PRKG1: variants seen among roughly 807,000 people sequenced by gnomAD.
PRKG1 encodes the protein protein kinase cGMP-dependent 1, also known as cGMP-dependent protein kinase 1.
PRKG1 carries 35 observed loss-of-function variants against 88.1 expected under a neutral mutation model. The ratio of observed to expected loss-of-function variants is 0.40; its 90% CI spans 0.30 to 0.53. The LOEUF is 0.53. PRKG1 is among the 20% of genes least tolerant of loss of function. The probability of loss-of-function intolerance (pLI) is 0.59; values close to 1 mark genes in which losing one functional copy is unlikely to be tolerated. For missense variants in PRKG1, 540 were observed against 839.8 expected (o/e 0.64, Z 4.41); for synonymous variants, 303 against 292.5 (o/e 1.04, Z -0.37).
intron 2 of PRKG1, among the ~76,000 whole-genome samples, chr10:51,275,605 T>C (rs1015803916): frequency 6.6e-6 from 1 of 152,214 alleles, no homozygotes; most frequent in Admixed American, 6.5e-5. Flanking sequence ...TATAATTTAA[T>C]TTTATAGGTT....
intron 3 of PRKG1, chr10:51,699,181 A>T: frequency 6.2e-7 from 1 of 1,614,158 alleles, no homozygotes; most frequent in Non-Finnish European, 8.5e-7. Flanking sequence ...ATTCAGGGGC[A>T]TCTTCTGGAT....
At chr10:52,021,044 C>T (rs1029995377) in intron 5 of PRKG1, among the ~76,000 whole-genome samples, 1 of 152,100 alleles carries the variant, frequency 6.6e-6, no homozygotes, top group African/African-American at 2.4e-5. Flanking sequence ...TCTCCTGCCC[C>T]ACTCATGCCT....
intron 3 of PRKG1, among the ~76,000 whole-genome samples, chr10:51,708,338 G>A (rs77425312): frequency 0.071 from 10,736 of 152,072 alleles, 402 homozygotes; most frequent in East Asian, 0.085. Flanking sequence ...CTCTTTAGAG[G>A]CTCTGTCTCT....
chr10:50,999,301 T>C (rs915068870), intron 1 of PRKG1, among the ~76,000 whole-genome samples: 4 of 152,244 alleles, frequency 2.6e-5, no homozygotes, highest in Non-Finnish European at 5.9e-5. Context: ...AGCACTTTCA[T>C]GTGCAAGATG....
chr10:52,020,037 ATATAT>A (rs1457065916), intron 5 of PRKG1, among the ~76,000 whole-genome samples: 2 of 152,100 alleles, frequency 1.3e-5, no homozygotes, highest in African/African-American at 4.8e-5. Flanking sequence ...ATATATTTTA[ATATAT>A]TTTATTTTAT....
intron 3 of PRKG1, among the ~76,000 whole-genome samples, chr10:51,757,321 C>T (rs1280534598): frequency 6.6e-6 from 1 of 152,034 alleles, no homozygotes; most frequent in Non-Finnish European, 1.5e-5. Flanking sequence ...CCAGGCTAGT[C>T]TCGAACTCCT....
chr10:51,082,065 ATCT>A (rs2131851163), intron 1 of PRKG1, among the ~76,000 whole-genome samples: 1 of 152,268 alleles, frequency 6.6e-6, no homozygotes, highest in African/African-American at 2.4e-5. Flanking sequence ...CCACCTGATC[ATCT>A]TTTTTTTAGG....
rs200120896 is a variant in PRKG1, at chr10:51,522,899, C to CCAA, written c.592+55063_592+55064insCAA. Among the ~76,000 whole-genome samples, 811 of 152,226 alleles carry CCAA rather than the reference C, an allele frequency of 5.3e-3. 7 individuals carry two copies. Among genetic ancestry groups the CCAA allele is most frequent in the African/African-American group, 0.018 (764 of 41,558 alleles). On this transcript the variant is annotated intron_variant, in intron 3 of 17. Transcript: ENST00000373980. ...AGGTGTGAAGGCTTTTAGATTATTA[C>CCAA]TGTATTTATTAAAAACCAAGGGAGA...
At chr10:51,665,208 T>G (rs1277041387) in intron 3 of PRKG1, among the ~76,000 whole-genome samples, 1 of 152,132 alleles carries the variant, frequency 6.6e-6, no homozygotes. Flanking sequence ...AAATCTAAAT[T>G]GCAGAGAAAA....
At chr10:51,821,666 T>C (rs1443953517) in intron 4 of PRKG1, among the ~76,000 whole-genome samples, 2 of 147,602 alleles carry the variant, frequency 1.4e-5, no homozygotes, top group Admixed American at 1.3e-4. Flanking sequence ...TTTTAGCACA[T>C]TGACCTGTAT....
chr10:51,883,996 C>T (rs1197105577), intron 4 of PRKG1, among the ~76,000 whole-genome samples: 21 of 143,452 alleles, frequency 1.5e-4, no homozygotes, highest in Admixed American at 4.3e-4. Context: ...AAATGAATTT[C>T]CTGAAACTCA....
intron 1 of PRKG1, among the ~76,000 whole-genome samples, chr10:51,023,917 G>A (rs908668777): frequency 6.6e-6 from 1 of 152,186 alleles, no homozygotes. Context: ...ATATTCCAAA[G>A]ATTTCCAGGC....
At chr10:51,422,359 G>C (rs375367639) in intron 2 of PRKG1, among the ~76,000 whole-genome samples, 1 of 152,236 alleles carries the variant, frequency 6.6e-6, no homozygotes, top group Non-Finnish European at 1.5e-5. Flanking sequence ...AGTCCTAGAC[G>C]TTTAGCATGA....
At chr10:52,186,525 T>C (rs1307625652) in intron 9 of PRKG1, among the ~76,000 whole-genome samples, 2 of 152,096 alleles carry the variant, frequency 1.3e-5, no homozygotes, top group East Asian at 3.9e-4. Flanking sequence ...GGAATCACAT[T>C]TCAACATGAT....
At chr10:52,117,085 G>A in intron 7 of PRKG1, among the ~76,000 whole-genome samples, 1 of 151,754 alleles carries the variant, frequency 6.6e-6, no homozygotes, top group East Asian at 1.9e-4. Context: ...TTGCTAGTGG[G>A]AATATTAGAA....
intron 3 of PRKG1, among the ~76,000 whole-genome samples, chr10:51,547,660 A>G (rs565726076): frequency 6.6e-6 from 1 of 152,106 alleles, no homozygotes; most frequent in South Asian, 2.1e-4. Context: ...TGGTCTTTTA[A>G]AAAAATCAAT....
rs1839378569 is a variant in PRKG1, at chr10:51,627,879, C to CCTTCCCTT, written c.592+160044_592+160045insTTCCCTTC. Among the ~76,000 whole-genome samples, 7 of 72,122 alleles carry CCTTCCCTT rather than the reference C, an allele frequency of 9.7e-5. No homozygotes were observed. The East Asian group carries it at 3.3e-3, about 34-fold the overall frequency. The allele number at this position is 72,122 out of a possible 152,430, so 47.3% of individuals were successfully genotyped here. ...TTCTCCTTCCTTCCTTCCTTCCCTT[C>CCTTCCCTT]CCTTCCCTTCCTTCCCTTCCTTCCC... On this transcript the variant is annotated intron_variant, in intron 3 of 17. Coordinates refer to ENST00000373980, the MANE Select transcript of PRKG1 (RefSeq NM_006258.4).
intron 3 of PRKG1, among the ~76,000 whole-genome samples, chr10:51,501,505 TG>T (rs1841022769): frequency 6.6e-6 from 1 of 152,148 alleles, no homozygotes; most frequent in Non-Finnish European, 1.5e-5. Flanking sequence ...TCTTGTCTAA[TG>T]GGAGTGCTAT....
At chr10:51,086,242 A>G (rs1310518394) in intron 1 of PRKG1, among the ~76,000 whole-genome samples, 4 of 152,224 alleles carry the variant, frequency 2.6e-5, no homozygotes, top group African/African-American at 9.6e-5. Context: ...GACACCTTTT[A>G]CATACTTCAT....
Sources: allele counts gnomAD v4.1 joint callset (sites outside exome capture counted in the v4.1 genomes callset), GRCh38; gene constraint gnomAD v4.1.1; transcripts MANE v1.5; gene names NCBI Gene and HGNC (gene_info 2026-07-23, HGNC 2026-07-21).